The following ABR variants were observed in gnomAD, a reference collection of about 807,000 sequenced individuals.
The protein encoded by ABR is active breakpoint cluster region-related protein.
In ABR, 35 loss-of-function variants were observed where a neutral mutation model predicts 107.2. The observed-to-expected ratio is 0.33, with a 90% CI of 0.25 to 0.43. ABR has a LOEUF of 0.43. Ranked by LOEUF, ABR falls within the 20% of genes least tolerant of loss-of-function variation. The probability of loss-of-function intolerance (pLI) is 1.00; values close to 1 mark genes in which losing one functional copy is unlikely to be tolerated. For synonymous variants in ABR, 498 were observed against 462.0 expected (o/e 1.08, Z -1.00); for missense variants, 815 against 1,115.2 (o/e 0.73, Z 3.83).
chr17:1,179,710 G>A lies in ABR; in HGVS notation c.18C>T (p.His6=). Residue 6 remains histidine (H), a synonymous_variant, in exon 1 of 23, where the codon CAC becomes CAT. Coordinates refer to ENST00000302538, the MANE Select transcript of ABR (RefSeq NM_021962.5). This position sits in a 1 kb window ranked among gnomAD's most constrained non-coding sequence, Gnocchi z 4.9. ...TCCAGGACAGGCGCGGCAGGCCCCG[G>A]TGGCTGAGCGGCTCCATCCCGCGGC... MEPLS[H]RGLPRLSWID... The A allele has an allele frequency of 6.4e-7, 1 of 1,557,696 alleles. No individual in the cohort carries two copies. Among genetic ancestry groups the A allele is most frequent in the African/African-American group, 1.4e-5 (1 of 71,058 alleles).
At chr17:1,213,808 A>G (rs11654204) in intron 1 of ABR, among the ~76,000 whole-genome samples, 145,762 of 152,298 alleles carry the variant, frequency 0.96, 70,067 homozygotes, top group East Asian at 1. Flanking sequence ...AAGATGACAG[A>G]CTCTATGGTT....
chr17:1,116,707 C>T (rs2039004066), intron 2 of ABR, among the ~76,000 whole-genome samples: 1 of 149,564 alleles, frequency 6.7e-6, no homozygotes, highest in Admixed American at 6.7e-5. Context: ...CCAGGAGCCA[C>T]CCTGAGCCTC....
At position 1,037,468 on chromosome 17, in the gene ABR, C is replaced by T. The variant is rs1346360618; in HGVS notation, c.1791+12582G>A. Among the ~76,000 whole-genome samples, 1 of 152,240 alleles carries T rather than the reference C, an allele frequency of 6.6e-6. No homozygotes were observed. Among genetic ancestry groups the T allele is most frequent in the Non-Finnish European group, 1.5e-5 (1 of 68,040 alleles). ...GTCTGCTGCAGGAGAAGTGTCCCGA[C>T]AGCCCGTCCCTGGCAAACCCTAGCG... is the stretch of plus-strand genomic sequence containing the variant. On this transcript the variant is annotated intron_variant, in intron 16 of 22. Coordinates refer to ENST00000302538, the MANE Select transcript of ABR (RefSeq NM_021962.5). The surrounding 1 kb of genome is among the most constrained non-coding windows in gnomAD (Gnocchi z 4.6).
chr17:1,031,507 ACCCCATCAG>A (rs1258172177), intron 16 of ABR: 13 of 716,396 alleles, frequency 1.8e-5, no homozygotes, highest in South Asian at 6.1e-5. Context: ...CGGGAGCGGG[ACCCCATCAG>A]CCCCCGCAGC....
At chr17:1,059,041 C>A (rs1197426663) in intron 10 of ABR, among the ~76,000 whole-genome samples, 174 bp from the exon 11 acceptor site, 1 of 152,170 alleles carries the variant, frequency 6.6e-6, no homozygotes, top group Admixed American at 6.5e-5. Flanking sequence ...ACTGCTCCCC[C>A]ACAGGGCTCA....
chr17:1,225,748 C>T (rs1028329281), intron 1 of ABR, among the ~76,000 whole-genome samples: 2 of 152,078 alleles, frequency 1.3e-5, no homozygotes, highest in African/African-American at 2.4e-5. Context: ...TGCCAGGACC[C>T]GTCCAAAACG....
intron 16 of ABR, among the ~76,000 whole-genome samples, chr17:1,028,240 G>T (rs568982696): frequency 6.7e-6 from 1 of 150,016 alleles, no homozygotes; most frequent in Non-Finnish European, 1.5e-5. Context: ...ACAGGTGCCC[G>T]CCACCATGCC....
At chr17:1,018,386 A>G (rs1439529720) in intron 16 of ABR, among the ~76,000 whole-genome samples, 2 of 152,110 alleles carry the variant, frequency 1.3e-5, no homozygotes, top group Non-Finnish European at 2.9e-5. Context: ...GTATGTATTT[A>G]TGGGGCGCAG....
intron 1 of ABR, among the ~76,000 whole-genome samples, chr17:1,167,497 C>T (rs1332213730): frequency 6.6e-6 from 1 of 152,132 alleles, no homozygotes; most frequent in African/African-American, 2.4e-5. Flanking sequence ...GTCCCCCGAG[C>T]GGAGGGAGTA....
intron 16 of ABR, among the ~76,000 whole-genome samples, chr17:1,015,403 G>A (rs1382078305): frequency 3.0e-5 from 4 of 135,422 alleles, no homozygotes; most frequent in African/African-American, 1.2e-4. Flanking sequence ...TGGCGACAGA[G>A]TGAGACCCTG....
At chr17:1,227,455 G>A (rs9908795) in intron 1 of ABR, among the ~76,000 whole-genome samples, 59,707 of 151,996 alleles carry the variant, frequency 0.39, 12,657 homozygotes, top group African/African-American at 0.55. Flanking sequence ...CAGCATGGGC[G>A]GCAAGAGCAT....
In ABR at chr17:1,012,780, G is replaced by A. The variant is rs368798958; in HGVS notation, c.1869C>T (p.Ser623=). The A allele has an allele frequency of 9.4e-6, 15 of 1,588,574 alleles. No homozygotes were observed. Among genetic ancestry groups the A allele is most frequent in the East Asian group, 6.8e-5 (3 of 44,102 alleles). The change falls in exon 18 of 23, where the codon TCC becomes TCT. Residue 623 remains serine (S), a synonymous_variant. Transcript: ENST00000302538. ...TCATATCTCGGCTGGTGAATTTCAT[G>A]GAAAATTCCACTTTGATCTGGTTGG... ...IEMNGIKVEF[S]MKFTSRDMSL...
At chr17:1,045,597 T>C (rs2031466345) in intron 16 of ABR, among the ~76,000 whole-genome samples, 1 of 152,244 alleles carries the variant, frequency 6.6e-6, no homozygotes, top group African/African-American at 2.4e-5. Flanking sequence ...CCCAGCTTCC[T>C]CATCTTTCTA....
chr17:1,215,509 G>A (rs1166871083), intron 1 of ABR, among the ~76,000 whole-genome samples: 6 of 152,204 alleles, frequency 3.9e-5, no homozygotes, highest in Admixed American at 3.3e-4. Flanking sequence ...CCGAGGTGCC[G>A]GGATTGCGGA....
At chr17:1,017,535 T>C (rs2071257750) in intron 16 of ABR, among the ~76,000 whole-genome samples, 1 of 148,216 alleles carries the variant, frequency 6.7e-6, no homozygotes, top group Non-Finnish European at 1.5e-5. Context: ...AGTGGTGTGA[T>C]CTCGGCTGAC....
At chr17:1,112,191 T>A (rs547154890) in intron 2 of ABR, among the ~76,000 whole-genome samples, 4 of 152,346 alleles carry the variant, frequency 2.6e-5, no homozygotes, top group Admixed American at 1.3e-4. Context: ...AGAAAAGGCC[T>A]GGCATGGCAC....
chr17:1,218,937 CCTTCCA>C (rs1439657665), intron 1 of ABR, among the ~76,000 whole-genome samples: 2 of 152,136 alleles, frequency 1.3e-5, no homozygotes, highest in Non-Finnish European at 2.9e-5. Flanking sequence ...GATCTTTAGG[CCTTCCA>C]CCCTCACAAA....
chr17:1,052,124 T>C (rs1236470001), intron 14 of ABR, among the ~76,000 whole-genome samples: 1 of 150,880 alleles, frequency 6.6e-6, no homozygotes, highest in African/African-American at 2.4e-5. Context: ...ACAGTGCAGC[T>C]ACCCCAAGAA....
chr17:1,094,003 C>T (rs538275158), intron 3 of ABR, among the ~76,000 whole-genome samples: 1 of 152,136 alleles, frequency 6.6e-6, no homozygotes, highest in African/African-American at 2.4e-5. Context: ...AGTCAGGACT[C>T]TCCTTCTGAC....
Sources: allele counts gnomAD v4.1 joint callset (sites outside exome capture counted in the v4.1 genomes callset), GRCh38; gene constraint gnomAD v4.1.1; non-coding constraint Gnocchi (gnomAD v3.1); transcripts MANE v1.5; gene names NCBI Gene and HGNC (gene_info 2026-07-23, HGNC 2026-07-21).